CNTN4: variants seen among roughly 807,000 people sequenced by gnomAD.
CNTN4 encodes the protein contactin-4.
A neutral mutation model predicts 122.5 loss-of-function variants in CNTN4; 77 were observed. The observed-to-expected ratio is 0.63, with a 90% CI of 0.52 to 0.76. The LOEUF (loss-of-function observed/expected upper bound fraction) is 0.76. CNTN4 is among the 30% of genes least tolerant of loss of function. The pLI is 0.00. For missense variants in CNTN4, 1,256 were observed against 1,259.1 expected (o/e 1.00, Z 0.04); for synonymous variants, 512 against 447.0 (o/e 1.15, Z -1.83).
intron 4 of CNTN4, among the ~76,000 whole-genome samples, chr3:2,584,789 G>A (rs116384320): frequency 1.3e-4 from 19 of 151,782 alleles, no homozygotes; most frequent in Admixed American, 5.2e-4. Flanking sequence ...TTAAGGGGAA[G>A]GAGGAAGAAA....
chr3:2,769,326 G>A (rs34762339), intron 6 of CNTN4, among the ~76,000 whole-genome samples: 4,261 of 152,032 alleles, frequency 0.028, 87 homozygotes, highest in Non-Finnish European at 0.046. Flanking sequence ...TTAGTCGGGC[G>A]TGGTGGCGCA....
intron 2 of CNTN4, among the ~76,000 whole-genome samples, chr3:2,236,579 T>C (rs1206981389): frequency 6.6e-6 from 1 of 152,256 alleles, no homozygotes; most frequent in Non-Finnish European, 1.5e-5. Flanking sequence ...AAGGTCGTTA[T>C]TGAACCCAGT....
At chr3:2,983,192 T>C (rs9837900) in intron 13 of CNTN4, among the ~76,000 whole-genome samples, 9,196 of 108,354 alleles carry the variant, frequency 0.085, 925 homozygotes, top group African/African-American at 0.26. Context: ...CCAGCCTGGG[T>C]GACAGAGCGA....
intron 3 of CNTN4, among the ~76,000 whole-genome samples, chr3:2,493,932 G>A (rs1246674058): frequency 6.6e-6 from 1 of 152,066 alleles, no homozygotes; most frequent in Non-Finnish European, 1.5e-5. Context: ...AGATGAAAAT[G>A]CTATTCTAGA....
In CNTN4 at chr3:2,836,103, A is replaced by G. The variant is rs149890942; in HGVS notation, c.454+16522A>G. 6.9e-3 allele frequency among the ~76,000 whole-genome samples: 1,051 copies of G among 152,244 alleles called. 7 individuals carry two copies. Among genetic ancestry groups the G allele is most frequent in the East Asian group, 0.022 (114 of 5,182 alleles). Reference sequence around the variant, plus strand: ...ACTACAGACAACTCTATGATCATTTAAACATCCGGATGAAATGAATTATCT... The same window carrying G: ...ACTACAGACAACTCTATGATCATTTGAACATCCGGATGAAATGAATTATCT... On this transcript the variant is annotated intron_variant, in intron 7 of 24. Transcript: ENST00000418658.
At chr3:2,885,370 C>A (rs997970775) in intron 9 of CNTN4, among the ~76,000 whole-genome samples, 2 of 152,126 alleles carry the variant, frequency 1.3e-5, no homozygotes, top group African/African-American at 4.8e-5. Flanking sequence ...CAGATGGCAT[C>A]TTTCTTTCTC....
At chr3:2,388,753 G>A (rs140551931) in intron 3 of CNTN4, among the ~76,000 whole-genome samples, 144 of 152,276 alleles carry the variant, frequency 9.5e-4, no homozygotes, top group Non-Finnish European at 1.9e-3. Context: ...GCTGAGGCAG[G>A]AGAATCGCTT....
chr3:2,549,236 T>C (rs2078379179), intron 3 of CNTN4, among the ~76,000 whole-genome samples: 1 of 152,170 alleles, frequency 6.6e-6, no homozygotes, highest in African/African-American at 2.4e-5. Flanking sequence ...TCCAATACCA[T>C]GTTGAATAGG....
At chr3:2,609,144 A>G (rs1374096769) in intron 4 of CNTN4, among the ~76,000 whole-genome samples, 5 of 152,216 alleles carry the variant, frequency 3.3e-5, no homozygotes, top group Non-Finnish European at 7.3e-5. Context: ...CTGTGGTTTC[A>G]ATGTGTCCTC....
At chr3:2,233,162 CAT>C (rs1262283284) in intron 2 of CNTN4, among the ~76,000 whole-genome samples, 1 of 152,110 alleles carries the variant, frequency 6.6e-6, no homozygotes, top group Non-Finnish European at 1.5e-5. Flanking sequence ...AGTTATTAAA[CAT>C]ATACCCACAG....
intron 3 of CNTN4, among the ~76,000 whole-genome samples, chr3:2,391,375 C>T (rs1406889637): frequency 1.3e-5 from 2 of 152,160 alleles, no homozygotes; most frequent in East Asian, 3.8e-4. Flanking sequence ...TGTACTATCT[C>T]AGCTCTACAT....
In CNTN4 at chr3:2,485,790, G is replaced by A. The variant is rs534382972; in HGVS notation, c.-88-85626G>A. ...TGTCTAGCTAATCTAGTGGGTACTT[G>A]GAGAACTTTTGTGTCTAGCTCAGGG... On this transcript the variant is annotated intron_variant, in intron 3 of 24. Transcript: ENST00000418658. Among the ~76,000 whole-genome samples, 5 of 152,232 alleles carry A rather than the reference G, an allele frequency of 3.3e-5. No homozygotes were observed. The East Asian group carries it at 5.8e-4, about 18-fold the overall frequency.
At chr3:2,102,521 G>A (rs761391592) in intron 2 of CNTN4, among the ~76,000 whole-genome samples, 6 of 152,070 alleles carry the variant, frequency 3.9e-5, no homozygotes, top group African/African-American at 2.4e-5. Flanking sequence ...TTTATTTCTC[G>A]GTTGTGTGAA....
At chr3:2,820,911 C>G (rs1195797489) in intron 7 of CNTN4, among the ~76,000 whole-genome samples, 1 of 146,978 alleles carries the variant, frequency 6.8e-6, no homozygotes, top group African/African-American at 2.5e-5. Flanking sequence ...GAAAACCCAG[C>G]TCATAATGTT....
chr3:2,579,623 T>G (rs972686462), intron 4 of CNTN4, among the ~76,000 whole-genome samples: 1 of 152,204 alleles, frequency 6.6e-6, no homozygotes, highest in African/African-American at 2.4e-5. Context: ...ATATATTCTT[T>G]GCACTTAGTG....
intron 4 of CNTN4, among the ~76,000 whole-genome samples, chr3:2,652,080 G>T (rs1409340896): frequency 6.6e-6 from 1 of 151,798 alleles, no homozygotes; most frequent in African/African-American, 2.4e-5. Context: ...TAGCAACTTG[G>T]TAGGAGGATT....
chr3:2,794,826 G>T (rs537385439), intron 6 of CNTN4, among the ~76,000 whole-genome samples: 1 of 152,268 alleles, frequency 6.6e-6, no homozygotes, highest in South Asian at 2.1e-4. Flanking sequence ...CTACTTCCTG[G>T]TTCACAGACT....
intron 4 of CNTN4, among the ~76,000 whole-genome samples, chr3:2,619,503 T>A (rs1473721865): frequency 2.0e-5 from 3 of 152,260 alleles, no homozygotes; most frequent in Non-Finnish European, 4.4e-5. Flanking sequence ...ATTTTGTGTT[T>A]CTGTTATCTC....
At chr3:2,110,044 C>T (rs1337343899) in intron 2 of CNTN4, among the ~76,000 whole-genome samples, 1 of 152,124 alleles carries the variant, frequency 6.6e-6, no homozygotes, top group South Asian at 2.1e-4. Context: ...AATGGATATC[C>T]CTGTAAAATG....
Sources: allele counts gnomAD v4.1 joint callset (sites outside exome capture counted in the v4.1 genomes callset), GRCh38; gene constraint gnomAD v4.1.1; transcripts MANE v1.5; gene names NCBI Gene and HGNC (gene_info 2026-07-23, HGNC 2026-07-21).